Variants in PAMR1 observed in about 807,000 individuals in gnomAD.
PAMR1 encodes the protein peptidase domain containing associated with muscle regeneration 1, also known as inactive serine protease PAMR1.
PAMR1 carries 88 observed loss-of-function variants against 81.8 expected under a neutral mutation model. That is an observed-to-expected ratio of 1.08 (90% CI 0.91 to 1.28). The LOEUF (loss-of-function observed/expected upper bound fraction) is 1.28. Among genes scored for constraint, PAMR1 ranks in the 50% most tolerant of loss-of-function variants. PAMR1 has a pLI of 0.00. For missense variants in PAMR1, 935 were observed against 919.7 expected, an observed-to-expected ratio of 1.02 and a Z score of -0.21; for synonymous variants, 336 against 345.3, an observed-to-expected ratio of 0.97 and a Z score of 0.30.
intron 6 of PAMR1, among the ~76,000 whole-genome samples, chr11:35,443,268 C>T (rs531011792): frequency 6.6e-6 from 1 of 151,674 alleles, no homozygotes; most frequent in Non-Finnish European, 1.5e-5. Context: ...CATAGGTAAA[C>T]GTGTGCCATG....
chr11:35,466,316 C>T (rs1238359162), intron 6 of PAMR1, among the ~76,000 whole-genome samples: 1 of 152,140 alleles, frequency 6.6e-6, no homozygotes. Context: ...CTCTAGCAGT[C>T]ACACTCAAGT....
intron 1 of PAMR1, among the ~76,000 whole-genome samples, chr11:35,508,516 A>ATTTTTTT (rs59836040): frequency 9.2e-5 from 9 of 98,030 alleles, no homozygotes; most frequent in East Asian, 3.0e-4. Flanking sequence ...AGGAACCTCC[A>ATTTTTTT]TTTTTTTTTT....
rs562287242 is a variant in PAMR1 at position 35,492,580 on chromosome 11, G to C, written c.251-407C>G. 2.0e-4 allele frequency among the ~76,000 whole-genome samples: 31 copies of C among 152,292 alleles called. No homozygotes were observed. In the South Asian group the frequency reaches 6.0e-3, roughly 29 times the overall value. ...CCCATCACCCAGGCTATTGCTAACA[G>C]TCTTTCTCTGCCTATATACACATAC... On this transcript the variant is annotated intron_variant, in intron 2 of 10. Transcript: ENST00000619888.
chr11:35,526,532 G>A (rs1195368609), upstream of PAMR1, among the ~76,000 whole-genome samples: 4 of 152,198 alleles, frequency 2.6e-5, no homozygotes, highest in Non-Finnish European at 5.9e-5. Context: ...TACCTTACAT[G>A]TATTAACTCA....
chr11:35,522,762 C>T (rs1028140318), intron 1 of PAMR1, among the ~76,000 whole-genome samples: 1 of 152,172 alleles, frequency 6.6e-6, no homozygotes, highest in Non-Finnish European at 1.5e-5. Context: ...GGGAACCATA[C>T]TTGTATATCC....
At chr11:35,526,449 C>T (rs1203234865), upstream of PAMR1, among the ~76,000 whole-genome samples, 1 of 151,848 alleles carries the variant, frequency 6.6e-6, no homozygotes, top group African/African-American at 2.4e-5. Flanking sequence ...CAAGTGACAT[C>T]TCGAAATGAG....
At chr11:35,492,259 A>C in intron 2 of PAMR1, 86 bp from the exon 3 acceptor site, 2 of 1,451,506 alleles carry the variant, frequency 1.4e-6, no homozygotes, top group Non-Finnish European at 1.9e-6. Context: ...GCACCTTCTC[A>C]GGGCCCTGTC....
Position 35,487,483 on chromosome 11 carries a change from T to C in PAMR1, c.379+4562A>G, listed in dbSNP as rs1239331647. Among the ~76,000 whole-genome samples the C allele has an allele frequency of 2.6e-5, 4 of 152,348 alleles. No homozygotes were observed. The East Asian group carries it at 7.7e-4, about 29-fold the overall frequency. The stretch of plus-strand genomic sequence containing the variant: ...CAAAACAACTGGTTTTACTCCCTTC[T>C]GCTGCTGCACTTCCAGAGAGCATCA... On this transcript the variant is annotated intron_variant, in intron 3 of 10. Transcript: ENST00000619888.
At chr11:35,491,173 C>T (rs554298297) in intron 3 of PAMR1, among the ~76,000 whole-genome samples, 19 of 152,302 alleles carry the variant, frequency 1.2e-4, no homozygotes, top group Middle Eastern at 3.4e-3. Flanking sequence ...TGCCAACAAG[C>T]CCCTTCTCCT....
intron 3 of PAMR1, among the ~76,000 whole-genome samples, chr11:35,485,728 A>G (rs1252540349): frequency 6.6e-6 from 1 of 152,196 alleles, no homozygotes; most frequent in African/African-American, 2.4e-5. Context: ...ACCCACATAT[A>G]AAACAGCTCT....
chr11:35,448,596 C>G (rs1413579520), intron 6 of PAMR1, among the ~76,000 whole-genome samples: 2 of 152,096 alleles, frequency 1.3e-5, no homozygotes, highest in East Asian at 3.9e-4. Context: ...ACTCCTTTAG[C>G]TCATCAAAGT....
intron 3 of PAMR1, among the ~76,000 whole-genome samples, chr11:35,479,692 C>G (rs1168874027): frequency 6.6e-6 from 1 of 152,158 alleles, no homozygotes; most frequent in Non-Finnish European, 1.5e-5. Flanking sequence ...GATGAAGACC[C>G]TAAGGGCTCT....
At position 35,508,138 on chromosome 11, in the gene PAMR1, G is replaced by A. The variant is rs533758921; in HGVS notation, c.74-13866C>T. Among the ~76,000 whole-genome samples, 67 of 152,170 alleles carry A rather than the reference G, an allele frequency of 4.4e-4. 1 individual carries two copies. The South Asian group carries it at 0.013, about 29-fold the overall frequency. ...TTGCCAGGGGTATTTTTCCCTTCAG[G>A]TACTTACAATGGTTCCTGTGCACTT... On this transcript the variant is annotated intron_variant, in intron 1 of 10. Coordinates refer to ENST00000619888, the MANE Select transcript of PAMR1 (RefSeq NM_001001991.3).
At chr11:35,465,334 T>A (rs182102817) in intron 6 of PAMR1, among the ~76,000 whole-genome samples, 43 of 152,270 alleles carry the variant, frequency 2.8e-4, no homozygotes, top group African/African-American at 1.0e-3. Context: ...AAAAAGAGCC[T>A]AGTCTAATTT....
At chr11:35,509,912 T>C (rs1002480492) in intron 1 of PAMR1, among the ~76,000 whole-genome samples, 1 of 152,154 alleles carries the variant, frequency 6.6e-6, no homozygotes, top group African/African-American at 2.4e-5. Flanking sequence ...AAGCTGCAAA[T>C]AAATTTTACC....
rs146020299 is a variant in PAMR1 at position 35,523,768 on chromosome 11, T to C, written c.73+1745A>G. On this transcript the variant is annotated intron_variant, in intron 1 of 10. Coordinates refer to ENST00000619888, the MANE Select transcript of PAMR1 (RefSeq NM_001001991.3). ...AAATGTGAGTAAAACATTCAACAAC[T>C]AAAATATCCTTGCTAAACACATGAA... Among the ~76,000 whole-genome samples the C allele has an allele frequency of 8.5e-5, 13 of 152,292 alleles. No homozygotes were observed. The East Asian group carries it at 2.5e-3, about 29-fold the overall frequency.
At chr11:35,481,368 T>C (rs1850386556) in intron 3 of PAMR1, among the ~76,000 whole-genome samples, 1 of 152,230 alleles carries the variant, frequency 6.6e-6, no homozygotes, top group African/African-American at 2.4e-5. Flanking sequence ...CCAGCATCTA[T>C]CATTTCTTGA....
chr11:35,456,392 C>T (rs1485156393), intron 6 of PAMR1, among the ~76,000 whole-genome samples: 1 of 152,156 alleles, frequency 6.6e-6, no homozygotes, highest in African/African-American at 2.4e-5. Context: ...ACTTAGCCTG[C>T]CGTGCTGTCT....
chr11:35,432,468 T>C lies in PAMR1; in HGVS notation c.2051A>G (p.His684Arg). ...PGRASPEPRW[H>R]LMGLVSWSYD... ...GCTCCAGCTGACCAGTCCCATCAGA[T>C]GCCAGCGTGGCTCAGGAGATGCTCG... Residue 684 changes from histidine (H) to arginine (R), a missense_variant, in exon 11 of 11, where the codon CAT (histidine) becomes CGT (arginine). By Grantham distance (29) the His-to-Arg change is conservative. Coordinates refer to ENST00000619888, the MANE Select transcript of PAMR1 (RefSeq NM_001001991.3). 1 of 1,614,232 alleles carries C rather than the reference T, an allele frequency of 6.2e-7. No homozygotes were observed. The highest frequency in any genetic ancestry group is 8.5e-7 in the Non-Finnish European group (1 of 1,180,038).
Sources: gnomAD v4.1 joint callset for allele counts (sites outside exome capture counted in the v4.1 genomes callset) on GRCh38, gnomAD v4.1.1 for gene constraint, MANE v1.5 for transcripts, NCBI Gene and HGNC (gene_info 2026-07-23, HGNC 2026-07-21) for gene names.